SYNJ1: variants seen among roughly 807,000 people sequenced by gnomAD.
The protein encoded by SYNJ1 is polyphosphatidylinositol phosphatase SYNJ1.
SYNJ1 carries 78 observed loss-of-function variants against 168.2 expected under a neutral mutation model. The observed-to-expected ratio is 0.46, with a 90% CI of 0.39 to 0.56. SYNJ1 has a LOEUF of 0.56. Ranked by LOEUF, SYNJ1 falls within the 20% of genes least tolerant of loss-of-function variation. The probability of loss-of-function intolerance (pLI) is 0.00; values close to 1 mark genes in which losing one functional copy is unlikely to be tolerated. For synonymous variants in SYNJ1, 539 were observed against 548.6 expected (o/e 0.98, Z 0.24); for missense variants, 1,303 against 1,597.6 (o/e 0.82, Z 3.14).
intron 25 of SYNJ1, 124 bp from the exon 26 acceptor site, chr21:32,645,130 T>C (rs1320356802): frequency 3.4e-6 from 3 of 892,900 alleles, no homozygotes; most frequent in East Asian, 2.8e-5. Flanking sequence ...ATTATCTACG[T>C]ACTACAAAAA....
chr21:32,650,241 T>C lies in SYNJ1; in HGVS notation c.2980A>G (p.Thr994Ala), dbSNP rs762092902. 3 of 1,613,916 alleles carry C rather than the reference T, an allele frequency of 1.9e-6. No homozygotes were observed. The highest frequency in any genetic ancestry group is 2.5e-6 in the Non-Finnish European group (3 of 1,179,996). The change falls in exon 23 of 33, where the codon ACA (threonine) becomes GCA (alanine). Residue 994 changes from threonine (T) to alanine (A), a missense_variant. Thr to Ala is a moderately conservative substitution (Grantham distance 58). Transcript: ENST00000674351. ...EKISIALPSS[T>A]SSTLLGEDAE... is the part of the protein sequence containing the mutation. ...TCTTCACCAAGCAGGGTAGAGCTTG[T>C]TGATGATGGCAATGCAATGCTAATT... is the stretch of plus-strand genomic sequence containing the variant.
intron 15 of SYNJ1, among the ~76,000 whole-genome samples, chr21:32,667,844 T>C (rs540408129): frequency 1.4e-4 from 21 of 152,288 alleles, no homozygotes; most frequent in Admixed American, 6.5e-4. Flanking sequence ...AATTTACTTA[T>C]TGTTGTTATT....
intron 18 of SYNJ1, chr21:32,658,664 C>G (rs1483339185): frequency 6.6e-6 from 1 of 152,428 alleles, no homozygotes; most frequent in African/African-American, 2.4e-5. Flanking sequence ...AGGCACCCTC[C>G]CCTAGACACT....
At chr21:32,682,558 A>G (rs1262821055) in intron 10 of SYNJ1, among the ~76,000 whole-genome samples, 2 of 152,166 alleles carry the variant, frequency 1.3e-5, no homozygotes, top group Non-Finnish European at 2.9e-5. Context: ...ATGGAGAATA[A>G]AACAAAATGA....
rs1312104167 is a variant in SYNJ1 at position 32,629,320 on chromosome 21, G to A, written c.*2485C>T. The A allele has an allele frequency of 2.6e-5, 4 of 152,632 alleles. No homozygotes were observed. Among genetic ancestry groups the A allele is most frequent in the African/African-American group, 9.6e-5 (4 of 41,456 alleles). The allele number at this position is 152,632 out of a possible 1,614,324, so 9.5% of individuals were successfully genotyped here. A position where few individuals can be genotyped will look rare whatever the true frequency, so the allele number is the denominator to read the frequency against. On this transcript the variant is annotated 3_prime_UTR_variant, in exon 33 of 33. Coordinates refer to ENST00000674351, the MANE Select transcript of SYNJ1 (RefSeq NM_203446.3). ...AGCAACTGCTTATAGTAATACTGCT[G>A]TTTAAGACGCTACTGCTGAAATGAT...
Position 32,684,065 on chromosome 21 carries a change from A to G in SYNJ1, c.1173T>C (p.Asn391=). 6.2e-7 allele frequency: 1 copy of G among 1,613,656 alleles called. No individual in the cohort carries two copies. Among genetic ancestry groups the G allele is most frequent in the South Asian group, 1.1e-5 (1 of 91,074 alleles). ...TNCLDCLDRT[N]SVQAFLGLEM... is the part of the protein sequence containing the mutation. ...CTAAGCCAAGAAATGCCTGCACACT[A>G]TTTGTTCTATCAAGACAATCCAAGC... The change falls in exon 10 of 33, where the codon AAT becomes AAC. Residue 391 remains asparagine, a synonymous_variant. Transcript: ENST00000674351.
intron 19 of SYNJ1, among the ~76,000 whole-genome samples, chr21:32,657,466 T>C (rs1043356147): frequency 6.6e-6 from 1 of 152,224 alleles, no homozygotes; most frequent in African/African-American, 2.4e-5. Flanking sequence ...TTAGCTTCAA[T>C]TAAAAATTTC....
chr21:32,649,450 A>G lies in SYNJ1; in HGVS notation c.3037+734T>C, dbSNP rs113458419. 7.2e-5 allele frequency among the ~76,000 whole-genome samples: 11 copies of G among 152,354 alleles called. 1 individual carries two copies. Among genetic ancestry groups the G allele is most frequent in the African/African-American group, 2.6e-4 (11 of 41,584 alleles). ...TGTGTTAGAAAACAAATGCATTTAA[A>G]AATTTTTTCTTTTGATAATGTTGCC... On this transcript the variant is annotated intron_variant, in intron 23 of 32. Coordinates refer to ENST00000674351, the MANE Select transcript of SYNJ1 (RefSeq NM_203446.3).
rs1252475239 is a variant in SYNJ1, at chr21:32,630,175, C to T, written c.*1630G>A. 1.3e-5 allele frequency: 2 copies of T among 152,216 alleles called. No individual in the cohort carries two copies. The highest frequency in any genetic ancestry group is 2.4e-5 in the African/African-American group (1 of 41,460). The allele number at this position is 152,216 out of a possible 1,614,324, so 9.4% of individuals were successfully genotyped here. A position where few individuals can be genotyped will look rare whatever the true frequency, so the allele number is the denominator to read the frequency against. ...AGCGCTAGAATATCCATCCACTTGA[C>T]AGTGACCACAAAATAGGCTGTTTCC... is the stretch of plus-strand genomic sequence containing the variant. On this transcript the variant is annotated 3_prime_UTR_variant, in exon 33 of 33. Coordinates refer to ENST00000674351, the MANE Select transcript of SYNJ1 (RefSeq NM_203446.3).
intron 28 of SYNJ1, 33 bp downstream of exon 28, chr21:32,642,062 T>A (rs1453556929): frequency 3.7e-6 from 6 of 1,613,952 alleles, no homozygotes; most frequent in Non-Finnish European, 5.1e-6. Flanking sequence ...GGTCCAGTTT[T>A]AAGGGTGAAT....
chr21:32,684,688 T>C (rs1000238158), intron 9 of SYNJ1, among the ~76,000 whole-genome samples: 1 of 152,216 alleles, frequency 6.6e-6, no homozygotes, highest in African/African-American at 2.4e-5. Flanking sequence ...TCTATTTGCA[T>C]TTAATAATCT....
At chr21:32,632,180 A>G (rs1350178222) in intron 32 of SYNJ1, among the ~76,000 whole-genome samples, 5 of 152,224 alleles carry the variant, frequency 3.3e-5, no homozygotes, top group Non-Finnish European at 5.9e-5. Flanking sequence ...TGCTAAATCT[A>G]TATAAATAAA....
At chr21:32,665,633 A>C (rs548084095) in intron 17 of SYNJ1, among the ~76,000 whole-genome samples, 1 of 152,254 alleles carries the variant, frequency 6.6e-6, no homozygotes, top group East Asian at 1.9e-4. Context: ...ACACATACTG[A>C]CTGATGTCTC....
intron 23 of SYNJ1, among the ~76,000 whole-genome samples, chr21:32,648,025 C>T (rs1156939363): frequency 6.6e-6 from 1 of 152,178 alleles, no homozygotes; most frequent in African/African-American, 2.4e-5. Context: ...GGAACCCCTA[C>T]TTCAACAGCC....
chr21:32,653,209 C>A (rs533023317), intron 22 of SYNJ1, 79 bp downstream of exon 22: 29 of 1,123,130 alleles, frequency 2.6e-5, no homozygotes, highest in Non-Finnish European at 3.9e-5. Flanking sequence ...GATAATCTTG[C>A]TGCATGTCTA....
chr21:32,641,791 T>C lies in SYNJ1; in HGVS notation c.3588+105A>G, dbSNP rs143520393. ...TCCCTCATTTTAGAGATGAGGAAAT[T>C]GAGGCCTTGAAGGGTCACATGATTT... is the stretch of plus-strand genomic sequence containing the variant. On this transcript the variant is annotated intron_variant, in intron 29 of 32. Transcript: ENST00000674351. 7.5e-4 allele frequency: 529 copies of C among 700,768 alleles called. 4 individuals are homozygous for C. The African/African-American group carries it at 8.9e-3, about 12-fold the overall frequency. The allele number at this position is 700,768 out of a possible 1,614,324, so 43.4% of individuals were successfully genotyped here.
chr21:32,665,497 G>C (rs2040889998), intron 17 of SYNJ1, among the ~76,000 whole-genome samples: 1 of 152,202 alleles, frequency 6.6e-6, no homozygotes, highest in South Asian at 2.1e-4. Context: ...ACACTAAATT[G>C]TGTATTCAGT....
chr21:32,641,761 G>T, intron 29 of SYNJ1, 135 bp downstream of exon 29: 1 of 589,968 alleles, frequency 1.7e-6, no homozygotes, highest in Non-Finnish European at 3.0e-6. Flanking sequence ...ATCATCAAGT[G>T]CAATTCCCTC....
At chr21:32,639,158 T>C (rs1163833052) in intron 30 of SYNJ1, 33 bp from the exon 31 acceptor site, 61 of 1,569,474 alleles carry the variant, frequency 3.9e-5, no homozygotes, top group Non-Finnish European at 5.3e-5. Context: ...ATGTTAGGTA[T>C]ATTCTAGAAA....
Sources: allele counts gnomAD v4.1 joint callset (sites outside exome capture counted in the v4.1 genomes callset), GRCh38; gene constraint gnomAD v4.1.1; transcripts MANE v1.5; gene names NCBI Gene and HGNC (gene_info 2026-07-23, HGNC 2026-07-21).